ADAMTS18: variants seen among roughly 807,000 people sequenced by gnomAD.
ADAMTS18 encodes A disintegrin and metalloproteinase with thrombospondin motifs 18.
ADAMTS18 carries 157 observed loss-of-function variants against 165.9 expected under a neutral mutation model. That is an observed-to-expected ratio of 0.95 (90% CI 0.83 to 1.08). ADAMTS18 has a LOEUF of 1.08. Among genes scored for constraint, ADAMTS18 ranks in the 50% least tolerant of loss-of-function variants. The pLI is 0.00. For synonymous variants in ADAMTS18, 782 were observed against 578.2 expected, an observed-to-expected ratio of 1.35 and a Z score of -5.06; for missense variants, 2,040 against 1,534.0, an observed-to-expected ratio of 1.33 and a Z score of -5.51.
chr16:77,338,759 C>G (rs1359997025), intron 11 of ADAMTS18, among the ~76,000 whole-genome samples: 1 of 151,794 alleles, frequency 6.6e-6, no homozygotes, highest in Non-Finnish European at 1.5e-5. Flanking sequence ...CGAGAGCATC[C>G]TGGCTAATAC....
At chr16:77,330,363 A>G (rs1397625108) in intron 12 of ADAMTS18, among the ~76,000 whole-genome samples, 1 of 152,188 alleles carries the variant, frequency 6.6e-6, no homozygotes, top group African/African-American at 2.4e-5. Flanking sequence ...TAGTTTAACA[A>G]ACAAGGAACC....
intron 3 of ADAMTS18, among the ~76,000 whole-genome samples, chr16:77,409,128 G>C (rs1167306230): frequency 6.6e-6 from 1 of 152,054 alleles, no homozygotes; most frequent in Non-Finnish European, 1.5e-5. Context: ...GCATCCACCG[G>C]AGGTACTGGA....
At chr16:77,323,779 A>G (rs1467495889) in intron 13 of ADAMTS18, among the ~76,000 whole-genome samples, 2 of 152,218 alleles carry the variant, frequency 1.3e-5, no homozygotes, top group African/African-American at 4.8e-5. Context: ...AGGAGAGACT[A>G]GAAAGCCTTA....
At chr16:77,393,120 C>G (rs1306535795) in intron 3 of ADAMTS18, among the ~76,000 whole-genome samples, 4 of 152,146 alleles carry the variant, frequency 2.6e-5, no homozygotes, top group Non-Finnish European at 5.9e-5. Context: ...TGAAAGAGTA[C>G]CCAGGGACCA....
chr16:77,320,945 C>G, intron 15 of ADAMTS18, 134 bp downstream of exon 15: 1 of 1,129,244 alleles, frequency 8.9e-7, no homozygotes, highest in Non-Finnish European at 1.3e-6. Context: ...TACTCTTGCA[C>G]AAGTGAAAAA....
At chr16:77,297,249 A>G (rs1368398843) in intron 18 of ADAMTS18, 40 bp downstream of exon 18, 1 of 1,613,146 alleles carries the variant, frequency 6.2e-7, no homozygotes, top group South Asian at 1.1e-5. Context: ...AAGGCATACA[A>G]GTACAAAACT....
chr16:77,412,311 A>C lies in ADAMTS18; in HGVS notation c.495+18984T>G, dbSNP rs906110400. On this transcript the variant is annotated intron_variant, in intron 3 of 22. Transcript: ENST00000282849. ...TCAGTCTTTATAACGCATGAGTCAA[A>C]TAATATTATAATAGTATAATAAATT... Among the ~76,000 whole-genome samples, 48 of 152,266 alleles carry C rather than the reference A, an allele frequency of 3.2e-4. 1 individual carries two copies. Among genetic ancestry groups the C allele is most frequent in the African/African-American group, 1.1e-3 (47 of 41,558 alleles).
At chr16:77,410,170 T>C (rs111804009) in intron 3 of ADAMTS18, among the ~76,000 whole-genome samples, 36 of 152,254 alleles carry the variant, frequency 2.4e-4, no homozygotes, top group African/African-American at 8.7e-4. Context: ...TTCCTAGATA[T>C]TATACAATCA....
intron 17 of ADAMTS18, among the ~76,000 whole-genome samples, chr16:77,297,867 G>A (rs2055503968): frequency 7.0e-6 from 1 of 142,248 alleles, no homozygotes; most frequent in African/African-American, 2.6e-5. Flanking sequence ...GCAAAGAGTA[G>A]AACTCACTAA....
In ADAMTS18 at chr16:77,359,422, C is replaced by A. The variant is rs375957905; in HGVS notation, c.1218G>T (p.Gly406=). The change falls in exon 8 of 23, where the codon GGG becomes GGT. Residue 406 remains glycine, a splice_region_variant and synonymous_variant. Transcript: ENST00000282849. ...SWKNEPCDTL[G]FAPISGMCSK... ...AGCACATTCCACTGATGGGGGCAAA[C>A]CCTATTGAAAGAGCAGTTTCAAATG... The A allele has an allele frequency of 1.7e-5, 27 of 1,613,030 alleles. No homozygotes were observed. The East Asian group carries it at 2.0e-4, about 12-fold the overall frequency.
intron 3 of ADAMTS18, among the ~76,000 whole-genome samples, chr16:77,413,265 T>A (rs1399949056): frequency 1.3e-5 from 2 of 152,100 alleles, no homozygotes; most frequent in East Asian, 3.9e-4. Flanking sequence ...TTTTTGGGCC[T>A]AAGGAAACCA....
At chr16:77,331,786 A>G (rs185391307) in intron 12 of ADAMTS18, among the ~76,000 whole-genome samples, 85 of 152,304 alleles carry the variant, frequency 5.6e-4, no homozygotes, top group Middle Eastern at 3.4e-3. Context: ...GCCCATGTCA[A>G]TAGTGCTGAC....
At chr16:77,361,841 G>A (rs2056719044) in intron 7 of ADAMTS18, among the ~76,000 whole-genome samples, 1 of 151,904 alleles carries the variant, frequency 6.6e-6, no homozygotes, top group Admixed American at 6.6e-5. Flanking sequence ...CCGAGATTGT[G>A]CCATTACACT....
intron 7 of ADAMTS18, among the ~76,000 whole-genome samples, chr16:77,360,864 A>G (rs914778225): frequency 2.6e-5 from 4 of 152,142 alleles, no homozygotes; most frequent in Admixed American, 6.6e-5. Context: ...AGGTGGGTGG[A>G]TCATTTGAGG....
At chr16:77,340,504 T>C (rs902118647) in intron 11 of ADAMTS18, among the ~76,000 whole-genome samples, 3 of 152,106 alleles carry the variant, frequency 2.0e-5, no homozygotes, top group African/African-American at 7.2e-5. Context: ...GAAATACAAC[T>C]CTGGTTTATT....
At chr16:77,319,394 C>T (rs917108833) in intron 16 of ADAMTS18, among the ~76,000 whole-genome samples, 3 of 152,174 alleles carry the variant, frequency 2.0e-5, no homozygotes, top group African/African-American at 4.8e-5. Flanking sequence ...AATGGAATCA[C>T]TGTCTTCTCC....
At chr16:77,376,557 G>C (rs274524) in intron 3 of ADAMTS18, among the ~76,000 whole-genome samples, 116,681 of 152,100 alleles carry the variant, frequency 0.77, 44,912 homozygotes, top group East Asian at 0.89. Flanking sequence ...GGTTGCGCCC[G>C]CTACTGGACT....
intron 12 of ADAMTS18, among the ~76,000 whole-genome samples, chr16:77,326,645 A>T (rs1039857071): frequency 1.3e-5 from 2 of 152,226 alleles, no homozygotes; most frequent in Non-Finnish European, 2.9e-5. Flanking sequence ...AGGCTCCCAA[A>T]GTGTGGGGAT....
intron 3 of ADAMTS18, among the ~76,000 whole-genome samples, chr16:77,376,166 G>A (rs894019546): frequency 2.0e-5 from 3 of 152,094 alleles, no homozygotes; most frequent in African/African-American, 7.2e-5. Context: ...GACTCCCAAA[G>A]TGCTGGGATT....
Sources: allele counts gnomAD v4.1 joint callset (sites outside exome capture counted in the v4.1 genomes callset), GRCh38; gene constraint gnomAD v4.1.1; transcripts MANE v1.5; gene names NCBI Gene and HGNC (gene_info 2026-07-23, HGNC 2026-07-21).